Variants in HS1BP3 observed in about 807,000 individuals in gnomAD.
HS1BP3 encodes the protein HCLS1 binding protein 3, also known as HCLS1-binding protein 3.
A neutral mutation model predicts 33.5 loss-of-function variants in HS1BP3; 32 were observed. The ratio of observed to expected loss-of-function variants is 0.95; its 90% CI spans 0.72 to 1.28. The LOEUF (loss-of-function observed/expected upper bound fraction) is 1.28, where lower values mean the gene tolerates loss of function less well. Among genes scored for constraint, HS1BP3 ranks in the 50% most tolerant of loss-of-function variants. The pLI is 0.00. For missense variants in HS1BP3, 486 were observed against 502.3 expected (o/e 0.97, Z 0.31); for synonymous variants, 187 against 209.2 (o/e 0.89, Z 0.92).
rs1188315112 is a variant in HS1BP3 at position 20,645,472 on chromosome 2, C to A, written c.66G>T (p.Leu22=). 2 of 1,613,706 alleles carry A rather than the reference C, an allele frequency of 1.2e-6. No homozygotes were observed. The highest frequency in any genetic ancestry group is 2.2e-5 in the South Asian group (2 of 91,046). ...GTACCTCCTGGTGCTGGGGCACAGT[C>A]AGGTCGAGGCCAGTGTGGGCATTCT... ...RLQNAHTGLD[L]TVPQHQEVRG... Residue 22 remains leucine (L), a synonymous_variant, in exon 2 of 7, where the codon CTG becomes CTT. Coordinates refer to ENST00000304031, the MANE Select transcript of HS1BP3 (RefSeq NM_022460.4).
intron 4 of HS1BP3, chr2:20,638,169 C>A (rs1171145709): frequency 1.0e-5 from 6 of 586,276 alleles, no homozygotes; most frequent in Non-Finnish European, 1.2e-5. Context: ...CTCTACCAAG[C>A]CCCAGTGCGG....
intron 4 of HS1BP3, 93 bp from the exon 5 acceptor site, chr2:20,624,985 G>C: frequency 6.9e-7 from 1 of 1,442,674 alleles, no homozygotes; most frequent in Non-Finnish European, 9.6e-7. Flanking sequence ...CCCTGCAGTG[G>C]AGGGGCTGGA....
chr2:20,554,188 G>C, the HS1BP3 span, among the ~76,000 whole-genome samples: 1 of 152,184 alleles, frequency 6.6e-6, no homozygotes, highest in African/African-American at 2.4e-5. Context: ...TACCAAGGCT[G>C]TTCGTCATAC....
intron 6 of HS1BP3, chr2:20,622,715 C>T: frequency 5.2e-6 from 1 of 191,602 alleles, no homozygotes; most frequent in African/African-American, 2.3e-5. Context: ...TCGGCCTGGC[C>T]CTGCTGCTCC....
At position 20,638,660 on chromosome 2, in the gene HS1BP3, G is replaced by A; in HGVS notation, c.407-8C>T. Reference sequence around the variant, plus strand: ...CCCCTGGGGATCTGGTACCTGTGGAGGAAGACAGAAAAGAATGGACTTGGT... The same window carrying A: ...CCCCTGGGGATCTGGTACCTGTGGAAGAAGACAGAAAAGAATGGACTTGGT... On this transcript the variant is annotated splice_region_variant and splice_polypyrimidine_tract_variant and intron_variant, in intron 3 of 6. Coordinates refer to ENST00000304031, the MANE Select transcript of HS1BP3 (RefSeq NM_022460.4). 2 of 1,609,816 alleles carry A rather than the reference G, an allele frequency of 1.2e-6. No individual in the cohort carries two copies. The highest frequency in any genetic ancestry group is 1.7e-6 in the Non-Finnish European group (2 of 1,176,936).
At chr2:20,645,587 T>C in intron 1 of HS1BP3, 82 bp from the exon 2 acceptor site, 1 of 1,423,892 alleles carries the variant, frequency 7.0e-7, no homozygotes, top group Non-Finnish European at 9.4e-7. Context: ...GGCCTCTGGG[T>C]GCCTGGCAGG....
At chr2:20,604,197 G>A (rs978489060) in intron 2 of HS1BP3, among the ~76,000 whole-genome samples, 3 of 152,240 alleles carry the variant, frequency 2.0e-5, no homozygotes. Flanking sequence ...CAGTGTAGCT[G>A]AGGATGCCTC....
intron 2 of HS1BP3, among the ~76,000 whole-genome samples, chr2:20,601,705 A>G (rs1003514302): frequency 6.7e-6 from 1 of 149,508 alleles, no homozygotes; most frequent in African/African-American, 2.5e-5. Context: ...CTCCCCAGCC[A>G]TGTGGAACTG....
intron 2 of HS1BP3, among the ~76,000 whole-genome samples, chr2:20,608,682 T>C (rs1468885908): frequency 6.6e-6 from 1 of 152,038 alleles, no homozygotes; most frequent in African/African-American, 2.4e-5. Flanking sequence ...TTGACTCTCA[T>C]TGGCTCATCC....
At chr2:20,590,192 C>T (rs900430474), downstream of HS1BP3, among the ~76,000 whole-genome samples, 5 of 152,264 alleles carry the variant, frequency 3.3e-5, no homozygotes, top group Admixed American at 3.3e-4. Context: ...GAGTGGTTTG[C>T]ACCCCCGGGC....
intron 5 of HS1BP3, among the ~76,000 whole-genome samples, chr2:20,573,721 C>A (rs1295656429): frequency 6.6e-6 from 1 of 152,182 alleles, no homozygotes; most frequent in Non-Finnish European, 1.5e-5. Context: ...TTCTGGTCTG[C>A]AAGGAACAAA....
chr2:20,597,561 G>T (rs150045275), intron 3 of HS1BP3, among the ~76,000 whole-genome samples: 1 of 151,868 alleles, frequency 6.6e-6, no homozygotes, highest in African/African-American at 2.4e-5. Flanking sequence ...GAACATTAGA[G>T]TACCTCTGCC....
At chr2:20,569,120 G>T (rs961727197) in intron 5 of HS1BP3, among the ~76,000 whole-genome samples, 1 of 152,126 alleles carries the variant, frequency 6.6e-6, no homozygotes, top group African/African-American at 2.4e-5. Context: ...CCTGGGCCTT[G>T]TTCCCGGGTA....
chr2:20,560,801 C>T (rs538852100), intron 5 of HS1BP3, among the ~76,000 whole-genome samples: 9 of 152,220 alleles, frequency 5.9e-5, no homozygotes, highest in East Asian at 1.9e-4. Context: ...GGTCCCAAAG[C>T]GGTGGTGCCC....
chr2:20,644,870 A>G (rs55967304), intron 2 of HS1BP3, among the ~76,000 whole-genome samples: 2 of 152,122 alleles, frequency 1.3e-5, no homozygotes, highest in African/African-American at 2.4e-5. Context: ...ACTCACCTTC[A>G]TCTTCCCCGC....
chr2:20,622,578 C>A, intron 6 of HS1BP3: 1 of 340,264 alleles, frequency 2.9e-6, no homozygotes, highest in Non-Finnish European at 5.9e-6. Context: ...TTGAAGATAG[C>A]CTTTGACCAC....
chr2:20,607,563 G>A (rs888428321), intron 2 of HS1BP3, among the ~76,000 whole-genome samples: 11 of 152,212 alleles, frequency 7.2e-5, no homozygotes, highest in African/African-American at 2.2e-4. Flanking sequence ...AGTGCCACAC[G>A]TGTATGAGTT....
chr2:20,559,860 C>T (rs1483874144), downstream of HS1BP3, among the ~76,000 whole-genome samples: 1 of 152,210 alleles, frequency 6.6e-6, no homozygotes, highest in East Asian at 1.9e-4. Context: ...CTGGGCTTCC[C>T]TCACACCTGA....
At chr2:20,627,368 G>T (rs1029938574) in intron 4 of HS1BP3, among the ~76,000 whole-genome samples, 1 of 152,264 alleles carries the variant, frequency 6.6e-6, no homozygotes, top group African/African-American at 2.4e-5. Flanking sequence ...TCGGGGCAGG[G>T]GAGCAAGAGG....
Sources: allele counts gnomAD v4.1 joint callset (sites outside exome capture counted in the v4.1 genomes callset), GRCh38; gene constraint gnomAD v4.1.1; transcripts MANE v1.5; gene names NCBI Gene and HGNC (gene_info 2026-07-23, HGNC 2026-07-21).